The following MACROD2 variants were observed in gnomAD, a reference collection of about 807,000 sequenced individuals.
The protein encoded by MACROD2 is mono-ADP ribosylhydrolase 2.
MACROD2 carries 36 observed loss-of-function variants against 70.4 expected under a neutral mutation model. The ratio of observed to expected loss-of-function variants is 0.51; its 90% CI spans 0.39 to 0.68. MACROD2 has a LOEUF of 0.68. Ranked by LOEUF, MACROD2 falls within the 30% of genes least tolerant of loss-of-function variation. The pLI, the probability that MACROD2 is intolerant of heterozygous loss-of-function variation, is 0.00. For synonymous variants in MACROD2, 172 were observed against 178.8 expected (o/e 0.96, Z 0.30); for missense variants, 496 against 538.4 (o/e 0.92, Z 0.78).
chr20:15,173,197 TTATC>T (rs144525200), intron 5 of MACROD2, among the ~76,000 whole-genome samples: 15,825 of 152,164 alleles, frequency 0.1, 1,018 homozygotes, highest in Non-Finnish European at 0.15. Context: ...CTATTCAACT[TTATC>T]TAATATATAA....
chr20:14,183,255 T>A (rs1465694783), intron 3 of MACROD2, among the ~76,000 whole-genome samples: 2 of 151,676 alleles, frequency 1.3e-5, no homozygotes, highest in Non-Finnish European at 2.9e-5. Flanking sequence ...CATTTAGCTC[T>A]CACTTATAAG....
chr20:14,868,718 A>G (rs774518400), intron 5 of MACROD2, among the ~76,000 whole-genome samples: 7 of 152,244 alleles, frequency 4.6e-5, no homozygotes, highest in African/African-American at 1.2e-4. Context: ...TCCTTTCAAC[A>G]TATTACAGAT....
intron 8 of MACROD2, among the ~76,000 whole-genome samples, chr20:15,698,131 T>C (rs1046742915): frequency 6.6e-6 from 1 of 152,236 alleles, no homozygotes; most frequent in African/African-American, 2.4e-5. Flanking sequence ...GTTTTGTTTT[T>C]TGTTTTTGCT....
intron 4 of MACROD2, among the ~76,000 whole-genome samples, chr20:14,646,376 T>C (rs1411592762): frequency 6.6e-6 from 1 of 152,048 alleles, no homozygotes; most frequent in East Asian, 1.9e-4. Flanking sequence ...GCTACCTTAT[T>C]TCTCAAGTGT....
intron 5 of MACROD2, among the ~76,000 whole-genome samples, chr20:15,046,511 CTG>C (rs1218409312): frequency 1.3e-5 from 2 of 152,200 alleles, no homozygotes; most frequent in Non-Finnish European, 2.9e-5. Flanking sequence ...AGTGTCACGT[CTG>C]TGTTTTTGCA....
At chr20:14,818,825 GTTTTT>G (rs754477468) in intron 5 of MACROD2, among the ~76,000 whole-genome samples, 26 of 78,382 alleles carry the variant, frequency 3.3e-4, no homozygotes, top group African/African-American at 1.4e-3. Context: ...TCTTCCTTAG[GTTTTT>G]TTTTTTTTTT....
At chr20:14,204,139 G>T (rs1445084312) in intron 3 of MACROD2, among the ~76,000 whole-genome samples, 1 of 152,188 alleles carries the variant, frequency 6.6e-6, no homozygotes, top group Admixed American at 6.5e-5. Flanking sequence ...GCCACTGGAG[G>T]GGGTGGGGTT....
intron 5 of MACROD2, among the ~76,000 whole-genome samples, chr20:15,073,921 GA>G (rs1466382260): frequency 6.6e-6 from 1 of 152,070 alleles, no homozygotes; most frequent in Non-Finnish European, 1.5e-5. Flanking sequence ...TGTACTTTTA[GA>G]ATTTGATATA....
intron 5 of MACROD2, among the ~76,000 whole-genome samples, chr20:14,903,780 G>A (rs1325358844): frequency 6.6e-6 from 1 of 152,072 alleles, no homozygotes; most frequent in Non-Finnish European, 1.5e-5. Flanking sequence ...TGCTGCATGT[G>A]GTCATTTAGG....
At chr20:15,196,331 C>A (rs2076606470) in intron 5 of MACROD2, among the ~76,000 whole-genome samples, 1 of 150,888 alleles carries the variant, frequency 6.6e-6, no homozygotes, top group African/African-American at 2.4e-5. Context: ...CAAGAACATA[C>A]AACAAATGCA....
intron 6 of MACROD2, among the ~76,000 whole-genome samples, chr20:15,333,201 A>C (rs2078011660): frequency 6.6e-6 from 1 of 151,594 alleles, no homozygotes; most frequent in Admixed American, 6.6e-5. Context: ...GCCCCACTCC[A>C]AGCCCAGTGC....
At chr20:14,698,224 G>A (rs895445067) in intron 5 of MACROD2, among the ~76,000 whole-genome samples, 1 of 152,062 alleles carries the variant, frequency 6.6e-6, no homozygotes, top group Non-Finnish European at 1.5e-5. Context: ...TTCCCGTCTG[G>A]GATGTTCTTT....
chr20:14,896,115 T>G (rs1338468576), intron 5 of MACROD2, among the ~76,000 whole-genome samples: 1 of 152,062 alleles, frequency 6.6e-6, no homozygotes, highest in Non-Finnish European at 1.5e-5. Context: ...GCCAACATGG[T>G]GAAACCCCAT....
chr20:15,847,273 G>A (rs2064244004), intron 8 of MACROD2, among the ~76,000 whole-genome samples: 2 of 152,164 alleles, frequency 1.3e-5, no homozygotes, highest in African/African-American at 4.8e-5. Context: ...AGATGGTTTA[G>A]AGTGGACTTT....
intron 5 of MACROD2, among the ~76,000 whole-genome samples, chr20:15,183,778 T>C (rs1165795269): frequency 6.6e-6 from 1 of 152,192 alleles, no homozygotes; most frequent in Non-Finnish European, 1.5e-5. Flanking sequence ...ACAAAAGCCC[T>C]TGTTTTATCA....
chr20:15,823,024 T>C (rs2063956463), intron 8 of MACROD2, among the ~76,000 whole-genome samples: 1 of 152,228 alleles, frequency 6.6e-6, no homozygotes, highest in African/African-American at 2.4e-5. Flanking sequence ...AAATCTATTA[T>C]AGCAGAGAAT....
intron 8 of MACROD2, among the ~76,000 whole-genome samples, chr20:15,701,195 T>C (rs2050453074): frequency 1.3e-5 from 2 of 152,210 alleles, no homozygotes; most frequent in African/African-American, 4.8e-5. Context: ...TGTGCCACAA[T>C]GGCAGAGTTT....
chr20:15,030,096 A>C (rs1050848892), intron 5 of MACROD2, among the ~76,000 whole-genome samples: 4 of 151,926 alleles, frequency 2.6e-5, no homozygotes, highest in African/African-American at 9.7e-5. Context: ...AAAAAAAAAA[A>C]AAACCTGTTC....
Position 15,272,269 on chromosome 20 carries a change from C to T in MACROD2, c.540+42208C>T, listed in dbSNP as rs981587934. The stretch of plus-strand genomic sequence containing the variant: ...CCCAATGTATTAGCATTTTATGATT[C>T]TTTGTATTCATTAAAATGTTTTTCA... On this transcript the variant is annotated intron_variant, in intron 6 of 17. Transcript: ENST00000684519. Among the ~76,000 whole-genome samples, 3 of 152,102 alleles carry T rather than the reference C, an allele frequency of 2.0e-5. No individual in the cohort carries two copies. The East Asian group carries it at 5.8e-4, about 29-fold the overall frequency.
Sources: gnomAD v4.1 joint callset for allele counts (sites outside exome capture counted in the v4.1 genomes callset) on GRCh38, gnomAD v4.1.1 for gene constraint, MANE v1.5 for transcripts, NCBI Gene and HGNC (gene_info 2026-07-23, HGNC 2026-07-21) for gene names.